The following SYBU variants were observed in gnomAD, a reference collection of about 807,000 sequenced individuals.
SYBU encodes GOLSYN A protein.
SYBU carries 21 observed loss-of-function variants against 35.9 expected under a neutral mutation model. That is an observed-to-expected ratio of 0.58 (90% CI 0.41 to 0.84). SYBU has a LOEUF of 0.84. SYBU is among the 40% of genes least tolerant of loss of function. SYBU has a pLI of 0.00. For missense variants in SYBU, 768 were observed against 848.2 expected, an observed-to-expected ratio of 0.91 and a Z score of 1.17; for synonymous variants, 319 against 324.3, an observed-to-expected ratio of 0.98 and a Z score of 0.18.
At chr8:109,650,443 T>C (rs1309834949) in intron 1 of SYBU, among the ~76,000 whole-genome samples, 2 of 152,158 alleles carry the variant, frequency 1.3e-5, no homozygotes, top group Non-Finnish European at 2.9e-5. Context: ...TATTGCCAAA[T>C]GGAGCTGAGC....
intron 3 of SYBU, among the ~76,000 whole-genome samples, chr8:109,596,666 T>C (rs550859950): frequency 2.6e-5 from 4 of 152,230 alleles, no homozygotes; most frequent in Non-Finnish European, 5.9e-5. Flanking sequence ...ATTCTCCATA[T>C]AGTTGTAGTG....
At chr8:109,643,079 G>T in intron 1 of SYBU, 147 bp from the exon 2 acceptor site, 1 of 1,371,842 alleles carries the variant, frequency 7.3e-7, no homozygotes. Flanking sequence ...CTCAGTTGCT[G>T]AAATGAGCTT....
intron 3 of SYBU, among the ~76,000 whole-genome samples, chr8:109,603,048 C>A (rs1478473059): frequency 6.6e-6 from 1 of 152,190 alleles, no homozygotes; most frequent in African/African-American, 2.4e-5. Context: ...TGCACGCCTG[C>A]CTTGGGACAC....
chr8:109,611,018 C>A (rs1004163687), intron 3 of SYBU, among the ~76,000 whole-genome samples: 1 of 152,154 alleles, frequency 6.6e-6, no homozygotes, highest in African/African-American at 2.4e-5. Flanking sequence ...GAAAGCCCAA[C>A]CTAAAGCATA....
chr8:109,607,679 A>G (rs1826200325), intron 3 of SYBU, among the ~76,000 whole-genome samples: 1 of 152,202 alleles, frequency 6.6e-6, no homozygotes, highest in Non-Finnish European at 1.5e-5. Context: ...CTTACAAATG[A>G]CAAAGAGTAT....
upstream of SYBU, among the ~76,000 whole-genome samples, chr8:109,685,056 G>C (rs1391048345): frequency 1.3e-5 from 2 of 152,138 alleles, no homozygotes; most frequent in African/African-American, 4.8e-5. Flanking sequence ...CATAGTAATA[G>C]TTAAAAACTC....
intron 3 of SYBU, among the ~76,000 whole-genome samples, chr8:109,601,111 C>T (rs989418187): frequency 2.6e-5 from 4 of 152,186 alleles, no homozygotes; most frequent in African/African-American, 7.2e-5. Flanking sequence ...ACTAATGCAT[C>T]GGATGACAGC....
In SYBU at chr8:109,691,353, C is replaced by A; in HGVS notation, c.-78G>T. The A allele has an allele frequency of 2.8e-6, 2 of 701,880 alleles. No homozygotes were observed. Among genetic ancestry groups the A allele is most frequent in the Non-Finnish European group, 5.2e-6 (2 of 384,614 alleles). The allele number at this position is 701,880 out of a possible 1,614,324, so 43.5% of individuals were successfully genotyped here. A position where few individuals can be genotyped will look rare whatever the true frequency, so the allele number is the denominator to read the frequency against. On this transcript the variant is annotated 5_prime_UTR_variant, in exon 1 of 8. Transcript: ENST00000422135. This position sits in a 1 kb window ranked among gnomAD's most constrained non-coding sequence, Gnocchi z 4.7. ...CTTACCCTTTCTCGCCCAGAAGGGC[C>A]CCATCGCGCTGTCCAGGAGGAGGCA...
At chr8:109,613,540 C>G (rs2844243) in intron 3 of SYBU, among the ~76,000 whole-genome samples, 15,230 of 152,070 alleles carry the variant, frequency 0.1, 1,022 homozygotes, top group East Asian at 0.36. Flanking sequence ...TCCTCCCCCC[C>G]ACCCAATAAC....
intron 2 of SYBU, among the ~76,000 whole-genome samples, chr8:109,641,341 A>G (rs1283213052): frequency 6.6e-6 from 1 of 152,248 alleles, no homozygotes; most frequent in African/African-American, 2.4e-5. Flanking sequence ...ATTAAGAACC[A>G]TCATTTATTA....
chr8:109,688,581 A>G (rs541750679), intron 1 of SYBU, among the ~76,000 whole-genome samples: 1 of 152,234 alleles, frequency 6.6e-6, no homozygotes, highest in African/African-American at 2.4e-5. Context: ...ATTTCAAATA[A>G]CTTAATTTAC....
chr8:109,658,676 C>G (rs1563768968), intron 1 of SYBU, among the ~76,000 whole-genome samples: 2 of 151,958 alleles, frequency 1.3e-5, no homozygotes, highest in African/African-American at 2.4e-5. Context: ...TATTCATGGC[C>G]GGCATGGTGG....
At chr8:109,620,375 C>T (rs1342661128) in intron 2 of SYBU, among the ~76,000 whole-genome samples, 1 of 152,164 alleles carries the variant, frequency 6.6e-6, no homozygotes, top group Non-Finnish European at 1.5e-5. Flanking sequence ...CTACCAAAGG[C>T]TATCTTAAAA....
At chr8:109,579,724 T>C (rs1822787049) in intron 5 of SYBU, 75 bp downstream of exon 5, 1 of 1,369,938 alleles carries the variant, frequency 7.3e-7, no homozygotes, top group Admixed American at 1.8e-5. Flanking sequence ...TGTATAACTT[T>C]TTTTTTTCTT....
chr8:109,581,897 G>A (rs531770758), intron 4 of SYBU, among the ~76,000 whole-genome samples: 5 of 152,120 alleles, frequency 3.3e-5, no homozygotes, highest in Admixed American at 6.5e-5. Context: ...TCTTCTCTTC[G>A]TGAGAAGAGG....
Position 109,619,005 on chromosome 8 carries a change from A to C in SYBU, c.264T>G (p.Ser88=). 1 of 1,614,134 alleles carries C rather than the reference A, an allele frequency of 6.2e-7. No individual in the cohort carries two copies. The highest frequency in any genetic ancestry group is 8.5e-7 in the Non-Finnish European group (1 of 1,179,992). Residue 88 remains serine (S), a synonymous_variant, in exon 3 of 7, where the codon TCT becomes TCG. Coordinates refer to ENST00000276646, the MANE Select transcript of SYBU (RefSeq NM_001099754.2). ...DTGCPSSQSV[S]PVKTPSDAGN... is the part of the protein sequence containing the mutation. Reference sequence around the variant, plus strand: ...CAGCATCTGAGGGTGTCTTCACAGGAGACACTGACTGGCTGCTAGGACAGC... The same window carrying C: ...CAGCATCTGAGGGTGTCTTCACAGGCGACACTGACTGGCTGCTAGGACAGC...
At chr8:109,593,073 G>A (rs931331675) in intron 3 of SYBU, among the ~76,000 whole-genome samples, 1 of 152,190 alleles carries the variant, frequency 6.6e-6, no homozygotes, top group Non-Finnish European at 1.5e-5. Flanking sequence ...TAATAGTGCA[G>A]ATTTCTGGGA....
At chr8:109,581,069 T>G (rs1297597310) in intron 4 of SYBU, 5 of 152,170 alleles carry the variant, frequency 3.3e-5, no homozygotes, top group Non-Finnish European at 7.3e-5. Context: ...GTAGGCACAC[T>G]CCTTAATGCT....
intron 2 of SYBU, among the ~76,000 whole-genome samples, chr8:109,621,537 G>T (rs1812400134): frequency 3.3e-5 from 5 of 152,188 alleles, no homozygotes; most frequent in Admixed American, 3.3e-4. Context: ...TATGGTGTGT[G>T]TTGGGGGGGC....
Sources: gnomAD v4.1 joint callset for allele counts (sites outside exome capture counted in the v4.1 genomes callset) on GRCh38, gnomAD v4.1.1 for gene constraint, Gnocchi (gnomAD v3.1) non-coding constraint, MANE v1.5 for transcripts, NCBI Gene and HGNC (gene_info 2026-07-23, HGNC 2026-07-21) for gene names.